RFC2: variants seen among roughly 807,000 people sequenced by gnomAD.
RFC2 encodes replication factor C subunit 2.
In RFC2, 34 loss-of-function variants were observed where a neutral mutation model predicts 44.8. That is an observed-to-expected ratio of 0.76 (90% CI 0.58 to 1.01). The LOEUF (loss-of-function observed/expected upper bound fraction) is 1.01. Among genes scored for constraint, RFC2 ranks in the 50% least tolerant of loss-of-function variants. The pLI is 0.00. For synonymous variants in RFC2, 177 were observed against 168.9 expected (o/e 1.05, Z -0.37); for missense variants, 400 against 453.6 (o/e 0.88, Z 1.07).
chr7:74,243,620 A>C (rs1370721159), intron 5 of RFC2, among the ~76,000 whole-genome samples: 1 of 150,948 alleles, frequency 6.6e-6, no homozygotes, highest in African/African-American at 2.4e-5. Context: ...TTTTTCTTAA[A>C]GAGACAGGTT....
intron 5 of RFC2, 108 bp downstream of exon 5, chr7:74,246,554 A>G: frequency 3.1e-6 from 2 of 648,312 alleles, no homozygotes; most frequent in Admixed American, 5.6e-5. Flanking sequence ...TGCTTGTGGA[A>G]GATATGATAA....
intron 9 of RFC2, among the ~76,000 whole-genome samples, chr7:74,236,872 T>A (rs1009488573): frequency 5.3e-5 from 8 of 152,056 alleles, no homozygotes; most frequent in South Asian, 2.1e-4. Flanking sequence ...GGTGGGAGGA[T>A]CGCCTGAGCC....
chr7:74,244,974 C>CA (rs1354030088), intron 5 of RFC2, among the ~76,000 whole-genome samples: 2 of 151,112 alleles, frequency 1.3e-5, no homozygotes, highest in Middle Eastern at 3.2e-3. Flanking sequence ...AAAACTACAA[C>CA]AAAAAACAAC....
intron 2 of RFC2, 68 bp downstream of exon 2, chr7:74,252,361 C>T (rs1306384361): frequency 2.6e-5 from 21 of 820,724 alleles, no homozygotes; most frequent in South Asian, 4.3e-5. Context: ...GAGCGGAGAT[C>T]GCACCACTGC....
chr7:74,239,985 C>T lies in RFC2; in HGVS notation c.646G>A (p.Asp216Asn), dbSNP rs150469828. ...GTGAAGATGATGGCTTCTAGGCCGT[C>T]ATCAGTGTAGGGTACCCTCTCCTTC... ...IEKERVPYTD[D>N]GLEAIIFTAQ... The change falls in exon 7 of 11, where the codon GAC (aspartate) becomes AAC (asparagine). Residue 216 changes from aspartate to asparagine, a missense_variant. Asp to Asn is a conservative substitution (Grantham distance 23). Transcript: ENST00000055077. 6.8e-6 allele frequency: 11 copies of T among 1,613,282 alleles called. No homozygotes were observed. In the African/African-American group the frequency reaches 9.3e-5, roughly 14 times the overall value.
intron 10 of RFC2, chr7:74,233,813 G>A (rs1554717703): frequency 1.1e-5 from 5 of 456,456 alleles, no homozygotes; most frequent in Non-Finnish European, 2.2e-5. Flanking sequence ...AGCACTCCAT[G>A]TGGTGGCTAG....
chr7:74,233,611 T>A (rs1397823027), intron 10 of RFC2, among the ~76,000 whole-genome samples: 1 of 149,602 alleles, frequency 6.7e-6, no homozygotes, highest in African/African-American at 2.5e-5. Context: ...TTTTTTTTTT[T>A]TTTTTTAAGA....
chr7:74,233,959 G>A (rs954132391), intron 10 of RFC2: 1 of 449,876 alleles, frequency 2.2e-6, no homozygotes, highest in African/African-American at 2.0e-5. Flanking sequence ...ACTTACTTGG[G>A]AAAAAGAAAA....
At chr7:74,240,426 C>T (rs765220339) in intron 6 of RFC2, among the ~76,000 whole-genome samples, 8 of 148,208 alleles carry the variant, frequency 5.4e-5, no homozygotes, top group Non-Finnish European at 7.4e-5. Context: ...CGCTTGAGCA[C>T]GAGAGTTGGA....
rs782603256 is a variant in RFC2 at position 74,249,114 on chromosome 7, G to A, written c.230C>T (p.Pro77Leu). Residue 77 changes from proline (P) to leucine (L), a missense_variant, in exon 4 of 11, where the codon CCT becomes CTT. Pro to Leu is a moderately conservative substitution (Grantham distance 98). Transcript: ENST00000055077. ...GNVPNIIIAG[P>L]PGTGKTTSIL... ...GCTTGTGGTCTTGCCGGTTCCTGGA[G>A]GGCCCTGGGAATGAGATCTCCAGTA... 2.5e-6 allele frequency: 4 copies of A among 1,613,886 alleles called. No individual in the cohort carries two copies. Among genetic ancestry groups the A allele is most frequent in the Non-Finnish European group, 3.4e-6 (4 of 1,179,954 alleles).
intron 5 of RFC2, among the ~76,000 whole-genome samples, chr7:74,244,212 G>C (rs1350322352): frequency 1.3e-5 from 2 of 151,506 alleles, no homozygotes; most frequent in African/African-American, 4.8e-5. Context: ...AGGTTGCAGT[G>C]AGCCAAGATC....
In RFC2 at chr7:74,254,329, C is replaced by A. The variant is rs1342210830; in HGVS notation, c.55G>T (p.Asp19Tyr). The change falls in exon 1 of 11, where the codon GAC becomes TAC. Residue 19 changes from aspartate to tyrosine, a missense_variant. Coordinates refer to ENST00000055077, the MANE Select transcript of RFC2 (RefSeq NM_181471.3). ...GAGEVEAQDS[D>Y]PAPAFSKAPG... ...GCCTTGCTGAAGGCAGGGGCAGGGT[C>A]AGAGTCCTGGGCCTCCACCTCGCCC... is the stretch of plus-strand genomic sequence containing the variant. The A allele has an allele frequency of 1.2e-6, 2 of 1,612,232 alleles. No individual in the cohort carries two copies. The highest frequency in any genetic ancestry group is 1.7e-5 in the Admixed American group (1 of 59,914).
chr7:74,235,695 G>A, intron 9 of RFC2, 50 bp from the exon 10 acceptor site: 1 of 1,291,866 alleles, frequency 7.7e-7, no homozygotes, highest in Non-Finnish European at 1.1e-6. Context: ...ACTGTAAGAA[G>A]ACATGTGATT....
rs781889969 is a variant in RFC2, at chr7:74,246,726, C to T, written c.370G>A (p.Ala124Thr). ...DVVRNKIKMFAQQKVTLPKGR... is the reference protein window; with the variant it reads ...DVVRNKIKMFTQQKVTLPKGR... ...TTGGGAAGAGTGACTTTTTGTTGAG[C>T]AAACATTTTAATTTTATTCCTCACA... Residue 124 changes from alanine to threonine, a missense_variant, in exon 5 of 11, where the codon GCT becomes ACT. Coordinates refer to ENST00000055077, the MANE Select transcript of RFC2 (RefSeq NM_181471.3). The T allele has an allele frequency of 8.1e-6, 13 of 1,612,894 alleles. No homozygotes were observed. The highest frequency in any genetic ancestry group is 6.6e-5 in the South Asian group (6 of 90,930).
Position 74,238,802 on chromosome 7 carries a change from CT to C in RFC2, c.759+120del, listed in dbSNP as rs1308806233. On this transcript the variant is annotated intron_variant, in intron 8 of 10. Transcript: ENST00000055077. This position sits in a 1 kb window ranked among gnomAD's most constrained non-coding sequence, Gnocchi z 4.0. ...GACAGACGGGAGCAGGGTGGGCTCC[CT>C]GGCACCCACAAGAGCAGCTAGATGT... 7 of 755,896 alleles carry C rather than the reference CT, an allele frequency of 9.3e-6. No individual in the cohort carries two copies. The African/African-American group carries it at 1.2e-4, about 13-fold the overall frequency. 46.8% of individuals were successfully genotyped at this position (755,896 alleles called of 1,614,324 possible).
At position 74,254,351 on chromosome 7, in the gene RFC2, G is replaced by T; in HGVS notation, c.33C>A (p.Gly11=). Residue 11 remains glycine (G), a synonymous_variant, in exon 1 of 11, where the codon GGC becomes GGA. Transcript: ENST00000055077. Reference sequence around the variant, plus strand: ...GGTCAGAGTCCTGGGCCTCCACCTCGCCCGCGCCACCACAGACGGCCTCCA... The same window carrying T: ...GGTCAGAGTCCTGGGCCTCCACCTCTCCCGCGCCACCACAGACGGCCTCCA... MEVEAVCGGA[G]EVEAQDSDPA... 6.2e-7 allele frequency: 1 copy of T among 1,609,274 alleles called. No homozygotes were observed. The highest frequency in any genetic ancestry group is 8.5e-7 in the Non-Finnish European group (1 of 1,178,166).
At chr7:74,248,001 C>T (rs1554720345) in intron 4 of RFC2, among the ~76,000 whole-genome samples, 5 of 152,032 alleles carry the variant, frequency 3.3e-5, no homozygotes, top group Non-Finnish European at 5.9e-5. Flanking sequence ...CATTATGTCA[C>T]CTAGGCTGGT....
chr7:74,245,031 T>TG (rs1803521257), intron 5 of RFC2, among the ~76,000 whole-genome samples: 1 of 145,610 alleles, frequency 6.9e-6, no homozygotes, highest in Non-Finnish European at 1.5e-5. Flanking sequence ...TCATTTCAAT[T>TG]TTTTTTTTTT....
chr7:74,240,910 G>A (rs1204738228), intron 6 of RFC2, among the ~76,000 whole-genome samples: 3 of 151,974 alleles, frequency 2.0e-5, no homozygotes, highest in African/African-American at 7.3e-5. Flanking sequence ...ACAGGTGTGA[G>A]CCACCATGCC....
Sources: gnomAD v4.1 joint callset for allele counts (sites outside exome capture counted in the v4.1 genomes callset) on GRCh38, gnomAD v4.1.1 for gene constraint, Gnocchi (gnomAD v3.1) non-coding constraint, MANE v1.5 for transcripts, NCBI Gene and HGNC (gene_info 2026-07-23, HGNC 2026-07-21) for gene names.